Variants in GALM observed in about 807,000 individuals in gnomAD.
The protein encoded by GALM is galactose mutarotase.
GALM carries 43 observed loss-of-function variants against 37.4 expected under a neutral mutation model. The observed-to-expected ratio is 1.15, with a 90% CI of 0.90 to 1.48. The LOEUF (loss-of-function observed/expected upper bound fraction) is 1.48, where lower values mean the gene tolerates loss of function less well. Ranked by LOEUF, GALM falls within the 40% of genes most tolerant of loss-of-function variation. The pLI is 0.00. For synonymous variants in GALM, 199 were observed against 170.6 expected (o/e 1.17, Z -1.30); for missense variants, 456 against 419.1 (o/e 1.09, Z -0.77).
chr2:38,733,412 G>A (rs1451672299), intron 6 of GALM, 76 bp from the exon 7 acceptor site: 46 of 1,230,654 alleles, frequency 3.7e-5, no homozygotes, highest in East Asian at 3.0e-4. Context: ...CTAGAAGCCC[G>A]TCCAGAAGCA....
At chr2:38,673,476 T>G (rs1665164740) in intron 1 of GALM, among the ~76,000 whole-genome samples, 1 of 152,156 alleles carries the variant, frequency 6.6e-6, no homozygotes, top group Admixed American at 6.6e-5. Context: ...GTTGTAAGTA[T>G]GAGGACGCTA....
intron 4 of GALM, among the ~76,000 whole-genome samples, chr2:38,691,517 A>C (rs1225423862): frequency 1.3e-5 from 2 of 150,396 alleles, no homozygotes; most frequent in East Asian, 1.9e-4. Context: ...CCATCTCAAC[A>C]AAAAATTGAA....
intron 3 of GALM, among the ~76,000 whole-genome samples, chr2:38,687,363 C>A (rs927093725): frequency 2.0e-5 from 3 of 152,170 alleles, no homozygotes; most frequent in African/African-American, 4.8e-5. Context: ...CTTTGTCCCC[C>A]ACCCACTCAT....
intron 4 of GALM, among the ~76,000 whole-genome samples, chr2:38,708,703 T>C (rs1412500837): frequency 7.3e-6 from 1 of 137,664 alleles, no homozygotes; most frequent in Non-Finnish European, 1.5e-5. Context: ...CACTCCAGCC[T>C]GGGTGATAGA....
intron 4 of GALM, among the ~76,000 whole-genome samples, chr2:38,714,970 G>C (rs182812013): frequency 6.8e-4 from 104 of 152,270 alleles, no homozygotes; most frequent in Non-Finnish European, 1.3e-3. Flanking sequence ...AACTATGATT[G>C]TACTGGGGCC....
intron 4 of GALM, among the ~76,000 whole-genome samples, chr2:38,705,911 T>C (rs1361143180): frequency 6.6e-6 from 1 of 151,974 alleles, no homozygotes; most frequent in African/African-American, 2.4e-5. Flanking sequence ...AACCTCCCCC[T>C]CCGGGTTCAG....
At chr2:38,676,700 T>C (rs1367108604) in intron 2 of GALM, among the ~76,000 whole-genome samples, 2 of 152,080 alleles carry the variant, frequency 1.3e-5, no homozygotes, top group Non-Finnish European at 2.9e-5. Context: ...GAGGTGGAAG[T>C]TACAGTGAGC....
rs200050911 is a variant in GALM, at chr2:38,686,220, A to ATTTCTTTCTTTCTTTC, written c.553-3550_553-3535dup. On this transcript the variant is annotated intron_variant, in intron 3 of 6. Coordinates refer to ENST00000272252, the MANE Select transcript of GALM (RefSeq NM_138801.3). ...AAAAAAAAAACCACAGAAAGTGGAA[A>ATTTCTTTCTTTCTTTC]TTTCTTTCTTTCTTTCTTTCTTTCT... Among the ~76,000 whole-genome samples the ATTTCTTTCTTTCTTTC allele has an allele frequency of 4.1e-4, 38 of 93,622 alleles. 1 individual carries two copies. The highest frequency in any genetic ancestry group is 1.6e-3 in the African/African-American group (36 of 22,364). 61.4% of individuals were successfully genotyped at this position (93,622 alleles called of 152,430 possible).
intron 4 of GALM, among the ~76,000 whole-genome samples, chr2:38,711,460 C>T (rs1402447141): frequency 6.6e-6 from 1 of 152,062 alleles, no homozygotes; most frequent in African/African-American, 2.4e-5. Context: ...CACACCTGGC[C>T]TTACAGATAG....
chr2:38,673,507 C>A (rs1011924770), intron 1 of GALM, among the ~76,000 whole-genome samples: 2 of 152,116 alleles, frequency 1.3e-5, no homozygotes, highest in East Asian at 3.8e-4. Context: ...TACAGCCCCT[C>A]CCCTAAAAAG....
rs749401828 is a variant in GALM at position 38,733,614 on chromosome 2, C to T, written c.*49C>T. On this transcript the variant is annotated 3_prime_UTR_variant, in exon 7 of 7. Transcript: ENST00000272252. ...TCCAGGGCTAGGCTCAGCCACCTGT[C>T]TCCTGTCCAGAAAAAAGGTGAAGAT... 39 of 1,326,310 alleles carry T rather than the reference C, an allele frequency of 2.9e-5. No homozygotes were observed. The East Asian group carries it at 9.0e-4, about 31-fold the overall frequency. 82.2% of individuals were successfully genotyped at this position (1,326,310 alleles called of 1,614,324 possible).
At chr2:38,668,774 A>AATAT (rs67528947) in intron 1 of GALM, 3 of 151,506 alleles carry the variant, frequency 2.0e-5, no homozygotes, top group African/African-American at 7.3e-5. Context: ...AAAATAAATA[A>AATAT]AAATAAATAA....
chr2:38,731,641 G>T, intron 5 of GALM, 94 bp from the exon 6 acceptor site: 1 of 856,878 alleles, frequency 1.2e-6, no homozygotes, highest in South Asian at 1.5e-5. Flanking sequence ...CTCTGTGGCT[G>T]GGTCTGATTC....
intron 4 of GALM, among the ~76,000 whole-genome samples, chr2:38,718,057 G>A (rs138393858): frequency 2.0e-5 from 3 of 151,492 alleles, no homozygotes; most frequent in South Asian, 4.3e-4. Context: ...GGCTGGTCTC[G>A]AACTCCTGGG....
intron 4 of GALM, among the ~76,000 whole-genome samples, chr2:38,711,801 C>CCACCATCATCACT (rs1666171515): frequency 1.6e-5 from 1 of 63,940 alleles, no homozygotes; most frequent in African/African-American, 5.7e-5. Context: ...TCACCATCAC[C>CCACCATCATCACT]ATCACCATCA....
At chr2:38,669,020 T>C (rs1175650237) in intron 1 of GALM, 1 of 150,190 alleles carries the variant, frequency 6.7e-6, no homozygotes, top group Non-Finnish European at 1.5e-5. Flanking sequence ...GAGGTCAGAA[T>C]GGTTCAGTTT....
intron 4 of GALM, among the ~76,000 whole-genome samples, chr2:38,695,800 G>A (rs551930586): frequency 1.1e-3 from 160 of 152,064 alleles, no homozygotes; most frequent in Middle Eastern, 0.01. Context: ...GGGTTCAAGT[G>A]CTTCTCCTGC....
intron 1 of GALM, among the ~76,000 whole-genome samples, chr2:38,666,981 CATTA>C (rs919861285): frequency 6.6e-6 from 1 of 152,138 alleles, no homozygotes; most frequent in Non-Finnish European, 1.5e-5. Context: ...TAGGATCAGG[CATTA>C]ATTAATACAT....
At chr2:38,706,904 G>A (rs1287803757) in intron 4 of GALM, among the ~76,000 whole-genome samples, 3 of 151,318 alleles carry the variant, frequency 2.0e-5, no homozygotes, top group South Asian at 4.2e-4. Context: ...TATTTTAATA[G>A]TCCAAGCAAG....
Sources: gnomAD v4.1 joint callset for allele counts (sites outside exome capture counted in the v4.1 genomes callset) on GRCh38, gnomAD v4.1.1 for gene constraint, MANE v1.5 for transcripts, NCBI Gene and HGNC (gene_info 2026-07-23, HGNC 2026-07-21) for gene names.